Variants in ZFAT observed in about 807,000 individuals in gnomAD.
ZFAT encodes the protein zinc finger and AT-hook domain containing, also known as zinc finger protein ZFAT.
ZFAT carries 64 observed loss-of-function variants against 117.7 expected under a neutral mutation model. The ratio of observed to expected loss-of-function variants is 0.54; its 90% confidence interval spans 0.44 to 0.67. ZFAT has a LOEUF of 0.67. Among genes scored for constraint, ZFAT ranks in the 30% least tolerant of loss-of-function variants. The pLI is 0.00. For synonymous variants in ZFAT, 679 were observed against 615.0 expected (o/e 1.10, Z -1.54); for missense variants, 1,433 against 1,584.5 (o/e 0.90, Z 1.62).
intron 1 of ZFAT, among the ~76,000 whole-genome samples, chr8:134,660,100 G>A (rs1228406306): frequency 1.3e-5 from 2 of 152,160 alleles, no homozygotes; most frequent in African/African-American, 4.8e-5. Context: ...CTTTATAGGA[G>A]GCCAAGTTGT....
the ZFAT span, among the ~76,000 whole-genome samples, chr8:134,761,958 A>G: frequency 6.4e-5 from 9 of 140,440 alleles, no homozygotes; most frequent in African/African-American, 2.6e-4. Context: ...GCAGCTATTC[A>G]GTTCTCTCTC....
chr8:134,582,414 C>T (rs919655670), intron 10 of ZFAT, among the ~76,000 whole-genome samples: 2 of 152,214 alleles, frequency 1.3e-5, no homozygotes, highest in African/African-American at 4.8e-5. Context: ...TGAAGGACTG[C>T]AGTAGTTATG....
chr8:134,772,840 C>T, the ZFAT span, among the ~76,000 whole-genome samples: 2 of 152,022 alleles, frequency 1.3e-5, no homozygotes, highest in Non-Finnish European at 2.9e-5. Flanking sequence ...ATGGGAGGAT[C>T]ACTTGAGGTC....
chr8:134,758,976 A>G, the ZFAT span, among the ~76,000 whole-genome samples: 1 of 152,152 alleles, frequency 6.6e-6, no homozygotes, highest in South Asian at 2.1e-4. Context: ...CATGATCCAC[A>G]GCCCATCACT....
chr8:134,492,115 T>G (rs1437908524), intron 15 of ZFAT, among the ~76,000 whole-genome samples: 5 of 151,960 alleles, frequency 3.3e-5, no homozygotes, highest in Admixed American at 6.6e-5. Flanking sequence ...TAGTCATTAT[T>G]CAAGGGGAGT....
chr8:134,671,488 AACAAAG>A (rs1327593048), intron 1 of ZFAT, among the ~76,000 whole-genome samples: 2 of 152,226 alleles, frequency 1.3e-5, no homozygotes, highest in Admixed American at 6.5e-5. Context: ...TATAAACAGA[AACAAAG>A]ACAAAAACCA....
chr8:134,482,210 C>T (rs918420316), intron 15 of ZFAT, among the ~76,000 whole-genome samples: 4 of 152,176 alleles, frequency 2.6e-5, no homozygotes, highest in African/African-American at 4.8e-5. Flanking sequence ...GAGCCAGACT[C>T]CAGCCACCAC....
At chr8:134,568,377 A>G (rs765201893) in intron 10 of ZFAT, among the ~76,000 whole-genome samples, 4 of 152,192 alleles carry the variant, frequency 2.6e-5, no homozygotes, top group Non-Finnish European at 4.4e-5. Flanking sequence ...TTCCAGTTGA[A>G]TCTCAGTTAA....
chr8:134,722,122 G>A, the ZFAT span, among the ~76,000 whole-genome samples: 62,335 of 151,904 alleles, frequency 0.41, 13,270 homozygotes, highest in Non-Finnish European at 0.47. Context: ...GTCTAACAAG[G>A]TGAGTGTCAT....
At chr8:134,591,700 C>T (rs2130881639) in intron 7 of ZFAT, among the ~76,000 whole-genome samples, 1 of 152,306 alleles carries the variant, frequency 6.6e-6, no homozygotes, top group South Asian at 2.1e-4. Flanking sequence ...AATTTGAACA[C>T]AGAGCTGCAT....
At chr8:134,513,285 C>T (rs922441433) in intron 13 of ZFAT, among the ~76,000 whole-genome samples, 1 of 151,648 alleles carries the variant, frequency 6.6e-6, no homozygotes, top group Non-Finnish European at 1.5e-5. Context: ...GCAATCTCTG[C>T]CCGCCAGGTT....
intron 9 of ZFAT, among the ~76,000 whole-genome samples, chr8:134,586,407 A>T (rs1445040177): frequency 6.6e-6 from 1 of 152,226 alleles, no homozygotes; most frequent in Admixed American, 6.5e-5. Context: ...AAGCAGACAC[A>T]TTACAGATAA....
At chr8:134,652,687 C>T (rs552893007) in intron 2 of ZFAT, among the ~76,000 whole-genome samples, 1 of 152,316 alleles carries the variant, frequency 6.6e-6, no homozygotes, top group East Asian at 1.9e-4. Flanking sequence ...GTCAACCTCA[C>T]TAGTGACCAG....
intron 11 of ZFAT, among the ~76,000 whole-genome samples, chr8:134,538,640 T>C (rs1365039606): frequency 1.3e-5 from 2 of 151,780 alleles, no homozygotes; most frequent in African/African-American, 4.8e-5. Flanking sequence ...CTACTAAAAA[T>C]ACAAAAATTA....
rs777144078 is a variant in ZFAT, at chr8:134,610,455, G to T, written c.634+15C>A. On this transcript the variant is annotated intron_variant, in intron 4 of 15. Coordinates refer to ENST00000377838, the MANE Select transcript of ZFAT (RefSeq NM_020863.4). ...CAAGGGTCTTGCCTTTTCCTTTCCC[G>T]CTTGGTGCAGTCACCTGGAATTGCT... 3 of 1,607,502 alleles carry T rather than the reference G, an allele frequency of 1.9e-6. No homozygotes were observed. The highest frequency in any genetic ancestry group is 2.2e-5 in the East Asian group (1 of 44,826).
chr8:134,681,861 T>C (rs1284013370), intron 1 of ZFAT, among the ~76,000 whole-genome samples: 2 of 152,218 alleles, frequency 1.3e-5, no homozygotes, highest in African/African-American at 2.4e-5. Context: ...AAAGCCAGAT[T>C]GCTGTCACAT....
At chr8:134,749,569 T>A in the ZFAT span, among the ~76,000 whole-genome samples, 2 of 152,120 alleles carry the variant, frequency 1.3e-5, no homozygotes, top group Non-Finnish European at 2.9e-5. Context: ...CACCATCAGA[T>A]TGGGTATCAG....
intron 1 of ZFAT, among the ~76,000 whole-genome samples, chr8:134,693,234 C>T (rs1230873269): frequency 6.6e-6 from 1 of 152,126 alleles, no homozygotes; most frequent in African/African-American, 2.4e-5. Context: ...AGAGCTGGAA[C>T]AGGGAAAGCA....
chr8:134,795,172 G>C, the ZFAT span: 5 of 152,154 alleles, frequency 3.3e-5, no homozygotes, highest in African/African-American at 1.2e-4. Flanking sequence ...GAAATTGTAA[G>C]AATGTCATTT....
Sources: gnomAD v4.1 joint callset for allele counts (sites outside exome capture counted in the v4.1 genomes callset) on GRCh38, gnomAD v4.1.1 for gene constraint, MANE v1.5 for transcripts, NCBI Gene and HGNC (gene_info 2026-07-23, HGNC 2026-07-21) for gene names.